Variants in ZNF462 observed in about 807,000 individuals in gnomAD.
The protein encoded by ZNF462 is zinc finger protein 462.
ZNF462 carries 10 observed loss-of-function variants against 201.9 expected under a neutral mutation model. That is an observed-to-expected ratio of 0.05 (90% CI 0.03 to 0.08). The LOEUF is 0.08. Among genes scored for constraint, ZNF462 ranks in the 10% least tolerant of loss-of-function variants. ZNF462 has a pLI of 1.00. For synonymous variants in ZNF462, 1,227 were observed against 1,193.3 expected (o/e 1.03, Z -0.58); for missense variants, 2,523 against 3,168.3 (o/e 0.80, Z 4.89).
Position 106,923,284 on chromosome 9 carries a change from A to G in ZNF462, c.-30-70A>G, listed in dbSNP as rs568168421. ...GGAATTTTTTCCCATTAATGGATAT[A>G]TAGCCCCATCAGCTCGAGGTATGTG... is the stretch of plus-strand genomic sequence containing the variant. On this transcript the variant is annotated intron_variant, in intron 1 of 12. Coordinates refer to ENST00000277225, the MANE Select transcript of ZNF462 (RefSeq NM_021224.6). This position sits in a 1 kb window ranked among gnomAD's most constrained non-coding sequence, Gnocchi z 5.6. 9.4e-6 allele frequency: 11 copies of G among 1,176,020 alleles called. No individual in the cohort carries two copies. In the Admixed American group the frequency reaches 1.6e-4, roughly 17 times the overall value. The allele number at this position is 1,176,020 out of a possible 1,614,324, so 72.8% of individuals were successfully genotyped here.
intron 1 of ZNF462, among the ~76,000 whole-genome samples, chr9:106,888,010 T>TA (rs546926051): frequency 9.2e-4 from 140 of 152,060 alleles, no homozygotes; most frequent in Non-Finnish European, 1.7e-3. Flanking sequence ...AGCCCAGTGC[T>TA]AGGTACATGA....
At position 106,926,973 on chromosome 9, in the gene ZNF462, G is replaced by C; in HGVS notation, c.3061G>C (p.Asp1021His). Residue 1021 changes from aspartate (D) to histidine (H), a missense_variant, in exon 3 of 13, where the codon GAC (aspartate) becomes CAC (histidine). Coordinates refer to ENST00000277225, the MANE Select transcript of ZNF462 (RefSeq NM_021224.6). The surrounding 1 kb of genome is among the most constrained non-coding windows in gnomAD (Gnocchi z 7.9). ...TACTCCTGAATGTGAAAATCAGAAG[G>C]ACCCTTTGGTCAACACTGTTGTTGT... ...TFTPECENQK[D>H]PLVNTVVVYD... The C allele has an allele frequency of 6.2e-7, 1 of 1,614,136 alleles. No homozygotes were observed. The highest frequency in any genetic ancestry group is 2.2e-5 in the East Asian group (1 of 44,882).
Position 106,926,117 on chromosome 9 carries a change from G to A in ZNF462, c.2205G>A (p.Glu735=), listed in dbSNP as rs753600042. ...EEEEDNEVEI[E]VELDREEEPT... ...AGGAAGACAACGAAGTCGAGATAGA[G>A]GTTGAGTTGGACAGGGAGGAAGAAC... is the stretch of plus-strand genomic sequence containing the variant. Residue 735 remains glutamate, a synonymous_variant, in exon 3 of 13, where the codon GAG becomes GAA. Coordinates refer to ENST00000277225, the MANE Select transcript of ZNF462 (RefSeq NM_021224.6). The surrounding 1 kb of genome is among the most constrained non-coding windows in gnomAD (Gnocchi z 7.9). 5.6e-6 allele frequency: 9 copies of A among 1,614,192 alleles called. No individual in the cohort carries two copies. Among genetic ancestry groups the A allele is most frequent in the Non-Finnish European group, 7.6e-6 (9 of 1,180,024 alleles).
At chr9:106,947,939 G>C (rs999416382) in intron 7 of ZNF462, among the ~76,000 whole-genome samples, 5 of 152,208 alleles carry the variant, frequency 3.3e-5, no homozygotes, top group Non-Finnish European at 7.3e-5. Flanking sequence ...TAAGTTAACA[G>C]ATGTACAGAT....
chr9:106,992,421 C>G (rs915653800), intron 10 of ZNF462, among the ~76,000 whole-genome samples: 1 of 152,060 alleles, frequency 6.6e-6, no homozygotes. Context: ...ATAGCCACTT[C>G]GGAGCAGTTT....
chr9:106,877,671 C>T (rs912060045), intron 1 of ZNF462, among the ~76,000 whole-genome samples: 5 of 152,096 alleles, frequency 3.3e-5, no homozygotes, highest in East Asian at 1.9e-4. Flanking sequence ...TAAGCCACTG[C>T]GTCCAGCCAG....
intron 1 of ZNF462, among the ~76,000 whole-genome samples, chr9:106,864,082 CTCTCTCTCTCTCTCTCT>C (rs1827199136): frequency 1.4e-5 from 2 of 138,320 alleles, no homozygotes; most frequent in Admixed American, 1.5e-4. Context: ...CTCTCTCTCT[CTCTCTCTCTCTCTCTCT>C]CTCTCTCTCT....
intron 1 of ZNF462, among the ~76,000 whole-genome samples, chr9:106,918,511 T>C (rs888810638): frequency 3.3e-5 from 5 of 152,228 alleles, no homozygotes; most frequent in African/African-American, 1.2e-4. Flanking sequence ...TATTAAATTA[T>C]TAGAACTTCC....
chr9:106,864,082 CTCTCTCTCTCTCTCTCTCTCTCTCT>C lies in ZNF462; in HGVS notation c.-31+728_-31+752del, dbSNP rs879711555. Reference sequence around the variant, plus strand: ...TCTCTCTCTCTCTCTCTCTCTCTCTCTCTCTCTCTCTCTCTCTCTCTCTCTCTCCCTCTCCCCGAAGTTGGGATGC... The same window carrying C: ...TCTCTCTCTCTCTCTCTCTCTCTCTCCTCCCTCTCCCCGAAGTTGGGATGC... On this transcript the variant is annotated intron_variant, in intron 1 of 12. Transcript: ENST00000277225. 2.5e-3 allele frequency among the ~76,000 whole-genome samples: 350 copies of C among 138,402 alleles called. 12 individuals are homozygous for C. The highest frequency in any genetic ancestry group is 4.2e-3 in the Non-Finnish European group (266 of 63,410). The allele number at this position is 138,402 out of a possible 152,430, so 90.8% of individuals were successfully genotyped here. A position where few individuals can be genotyped will look rare whatever the true frequency, so the allele number is the denominator to read the frequency against.
Position 106,984,176 on chromosome 9 carries a change from G to A in ZNF462, c.6833-10G>A. The A allele has an allele frequency of 6.2e-7, 1 of 1,603,318 alleles. No homozygotes were observed. The highest frequency in any genetic ancestry group is 1.7e-5 in the Admixed American group (1 of 57,760). ...AAATTCCCATCTTTCCATTCAATTT[G>A]TTTCCACAGAAGAGCGTGTTGTCCC... On this transcript the variant is annotated splice_polypyrimidine_tract_variant and intron_variant, in intron 9 of 12. Transcript: ENST00000277225. The surrounding 1 kb of genome is among the most constrained non-coding windows in gnomAD (Gnocchi z 6.4).
chr9:106,893,379 A>C (rs547186492), intron 1 of ZNF462, among the ~76,000 whole-genome samples: 1 of 152,238 alleles, frequency 6.6e-6, no homozygotes, highest in Non-Finnish European at 1.5e-5. Flanking sequence ...GTGAGAATGT[A>C]TCATCATGGA....
chr9:106,907,612 TTTG>T (rs1370800616), intron 1 of ZNF462, among the ~76,000 whole-genome samples: 2 of 152,050 alleles, frequency 1.3e-5, no homozygotes, highest in African/African-American at 2.4e-5. Context: ...CTACTCCCTT[TTTG>T]TTGTTAATTA....
chr9:106,899,001 A>G (rs1588021214), intron 1 of ZNF462, among the ~76,000 whole-genome samples: 1 of 152,240 alleles, frequency 6.6e-6, no homozygotes, highest in Non-Finnish European at 1.5e-5. Flanking sequence ...TATGTTCCTT[A>G]TCCAGATTAT....
In ZNF462 at chr9:106,950,916, C is replaced by T. The variant is rs1451297011; in HGVS notation, c.6427+11809C>T. ...ACCAGCCTGGCCAACATAGTGAAAC[C>T]CCATCTCTACTAAAAATACAAAAAT... is the stretch of plus-strand genomic sequence containing the variant. On this transcript the variant is annotated intron_variant, in intron 7 of 12. Coordinates refer to ENST00000277225, the MANE Select transcript of ZNF462 (RefSeq NM_021224.6). The surrounding 1 kb of genome is among the most constrained non-coding windows in gnomAD (Gnocchi z 4.1). Among the ~76,000 whole-genome samples the T allele has an allele frequency of 1.3e-5, 2 of 152,006 alleles. No individual in the cohort carries two copies. Among genetic ancestry groups the T allele is most frequent in the East Asian group, 3.9e-4 (2 of 5,176 alleles).
intron 7 of ZNF462, among the ~76,000 whole-genome samples, chr9:106,969,283 A>T (rs1207921214): frequency 6.6e-6 from 1 of 152,312 alleles, no homozygotes; most frequent in Admixed American, 6.5e-5. Flanking sequence ...TTGCACTGCC[A>T]TTTGAGAAGG....
rs1007652399 is a variant in ZNF462, at chr9:106,876,436, C to T, written c.-31+13081C>T. The stretch of plus-strand genomic sequence containing the variant: ...ATTTTGTTCTTGGTCTTAAAGTCAG[C>T]TTTTGGAATCCTGCTTGTTTAATTT... On this transcript the variant is annotated intron_variant, in intron 1 of 12. Transcript: ENST00000277225. The surrounding 1 kb of genome is among the most constrained non-coding windows in gnomAD (Gnocchi z 4.9). 6.6e-6 allele frequency among the ~76,000 whole-genome samples: 1 copy of T among 152,166 alleles called. No homozygotes were observed. Among genetic ancestry groups the T allele is most frequent in the Non-Finnish European group, 1.5e-5 (1 of 68,034 alleles).
chr9:106,974,384 C>G lies in ZNF462; in HGVS notation c.6832+111C>G. Reference sequence around the variant, plus strand: ...GTAGCACCTGTGCCTTGTTCCTCACCTTATCTTCAGGCAAGAAACCACAGT... The same window carrying G: ...GTAGCACCTGTGCCTTGTTCCTCACGTTATCTTCAGGCAAGAAACCACAGT... On this transcript the variant is annotated intron_variant, in intron 9 of 12. Coordinates refer to ENST00000277225, the MANE Select transcript of ZNF462 (RefSeq NM_021224.6). This position sits in a 1 kb window ranked among gnomAD's most constrained non-coding sequence, Gnocchi z 4.0. 6.6e-7 allele frequency: 1 copy of G among 1,521,790 alleles called. No homozygotes were observed. The highest frequency in any genetic ancestry group is 9.1e-7 in the Non-Finnish European group (1 of 1,097,346). 94.3% of individuals were successfully genotyped at this position (1,521,790 alleles called of 1,614,324 possible).
chr9:106,943,057 C>CGTGTGT (rs577655863), intron 7 of ZNF462, among the ~76,000 whole-genome samples: 12,628 of 136,454 alleles, frequency 0.093, 559 homozygotes, highest in East Asian at 0.12. Flanking sequence ...GTTTTGCGCG[C>CGTGTGT]GCGTGTGTGT....
intron 10 of ZNF462, among the ~76,000 whole-genome samples, chr9:107,002,753 T>C (rs1189156268): frequency 2.6e-5 from 4 of 152,218 alleles, no homozygotes; most frequent in Non-Finnish European, 5.9e-5. Context: ...AATAATATTA[T>C]CTTCCATTTA....
Sources: allele counts gnomAD v4.1 joint callset (sites outside exome capture counted in the v4.1 genomes callset), GRCh38; gene constraint gnomAD v4.1.1; non-coding constraint Gnocchi (gnomAD v3.1); transcripts MANE v1.5; gene names NCBI Gene and HGNC (gene_info 2026-07-23, HGNC 2026-07-21).